GRID2: variants seen among roughly 807,000 people sequenced by gnomAD.
GRID2 encodes glutamate ionotropic receptor delta type subunit 2, also known as glutamate receptor ionotropic, delta-2.
Under a neutral mutation model 114.8 loss-of-function variants are expected in GRID2, and 33 were observed. That is an observed-to-expected ratio of 0.29 (90% CI 0.22 to 0.38). The LOEUF (loss-of-function observed/expected upper bound fraction) is 0.38. GRID2 is among the 10% of genes least tolerant of loss of function. The pLI is 1.00. For missense variants in GRID2, 1,184 were observed against 1,257.7 expected, an observed-to-expected ratio of 0.94 and a Z score of 0.89; for synonymous variants, 505 against 449.9, an observed-to-expected ratio of 1.12 and a Z score of -1.55.
At chr4:92,662,464 A>G (rs572405041) in intron 2 of GRID2, among the ~76,000 whole-genome samples, 115 of 151,192 alleles carry the variant, frequency 7.6e-4, no homozygotes, top group Non-Finnish European at 1.3e-3. Context: ...CATGCATAAA[A>G]TTGTTCAATA....
chr4:93,244,497 TAATA>T (rs533849354), intron 8 of GRID2, among the ~76,000 whole-genome samples: 2 of 52,496 alleles, frequency 3.8e-5, no homozygotes, highest in African/African-American at 1.4e-4. Flanking sequence ...ATCTATTAAT[TAATA>T]GATTATATAA....
At chr4:93,288,933 T>C (rs1753455758) in intron 8 of GRID2, among the ~76,000 whole-genome samples, 1 of 152,232 alleles carries the variant, frequency 6.6e-6, no homozygotes, top group East Asian at 1.9e-4. Flanking sequence ...GACTGAATCT[T>C]TCTCAGTGCT....
At chr4:93,220,547 A>G (rs1744755701) in intron 6 of GRID2, among the ~76,000 whole-genome samples, 1 of 152,178 alleles carries the variant, frequency 6.6e-6, no homozygotes, top group African/African-American at 2.4e-5. Flanking sequence ...TTTGCCAATT[A>G]AACTAGTTGT....
In GRID2 at chr4:92,752,894, C is replaced by T. The variant is rs138555201; in HGVS notation, c.244+162608C>T. ...TTAAAAAGGAGAGAAAGCAAATTTACGACTTTCAAAGGCAACAGTGTGTGT... is the reference window on the plus strand; with the variant it reads ...TTAAAAAGGAGAGAAAGCAAATTTATGACTTTCAAAGGCAACAGTGTGTGT... On this transcript the variant is annotated intron_variant, in intron 2 of 15. Transcript: ENST00000282020. 2.4e-3 allele frequency among the ~76,000 whole-genome samples: 365 copies of T among 152,200 alleles called. 3 individuals carry two copies. The highest frequency in any genetic ancestry group is 7.0e-3 in the African/African-American group (290 of 41,534).
At chr4:93,735,640 A>T (rs1169693114) in intron 14 of GRID2, among the ~76,000 whole-genome samples, 1 of 152,030 alleles carries the variant, frequency 6.6e-6, no homozygotes, top group African/African-American at 2.4e-5. Flanking sequence ...ATTAAATGAT[A>T]GGTTCCCTTA....
chr4:92,643,735 C>T (rs1462029547), intron 2 of GRID2, among the ~76,000 whole-genome samples: 7 of 151,554 alleles, frequency 4.6e-5, no homozygotes, highest in Non-Finnish European at 1.5e-5. Context: ...CTAGGAATCA[C>T]AGGTATGGGC....
intron 2 of GRID2, chr4:92,822,225 T>C (rs1320623440): frequency 3.8e-6 from 2 of 521,914 alleles, no homozygotes; most frequent in East Asian, 1.0e-4. Context: ...ATTGATGATA[T>C]TCCCACCACA....
intron 4 of GRID2, among the ~76,000 whole-genome samples, chr4:93,164,509 A>G (rs1343751814): frequency 1.3e-5 from 2 of 152,160 alleles, no homozygotes; most frequent in East Asian, 3.9e-4. Context: ...AAACAAAACC[A>G]GGACCTTTAA....
chr4:93,695,274 C>T (rs934344666), intron 14 of GRID2, among the ~76,000 whole-genome samples: 5 of 152,000 alleles, frequency 3.3e-5, no homozygotes, highest in African/African-American at 4.8e-5. Context: ...GCCTCAACCT[C>T]GTGTATTTTT....
chr4:93,681,566 T>C (rs1725540770), intron 14 of GRID2, among the ~76,000 whole-genome samples: 1 of 152,112 alleles, frequency 6.6e-6, no homozygotes, highest in Non-Finnish European at 1.5e-5. Flanking sequence ...AGCATGGTAC[T>C]GGTACCAAAA....
At chr4:92,342,878 A>G (rs375082140) in intron 1 of GRID2, among the ~76,000 whole-genome samples, 1 of 152,188 alleles carries the variant, frequency 6.6e-6, no homozygotes, top group African/African-American at 2.4e-5. Context: ...GAATGAGTTG[A>G]CAACCTATAG....
intron 10 of GRID2, among the ~76,000 whole-genome samples, chr4:93,451,563 G>A (rs1025655550): frequency 4.6e-5 from 7 of 152,136 alleles, no homozygotes; most frequent in South Asian, 2.1e-4. Context: ...TCTCCTAAGA[G>A]CCATGCAAAT....
chr4:92,716,396 GC>G (rs1268844396), intron 2 of GRID2, among the ~76,000 whole-genome samples: 2 of 152,104 alleles, frequency 1.3e-5, no homozygotes, highest in South Asian at 2.1e-4. Context: ...AAGCTGTCTG[GC>G]CCTGTAGTGG....
intron 2 of GRID2, among the ~76,000 whole-genome samples, chr4:92,916,612 T>C (rs929928283): frequency 6.6e-6 from 1 of 152,112 alleles, no homozygotes. Context: ...CATGTGGTGT[T>C]TGGTTTTTTG....
At chr4:93,083,846 TTAA>T (rs1348890468) in intron 2 of GRID2, among the ~76,000 whole-genome samples, 9 of 152,174 alleles carry the variant, frequency 5.9e-5, no homozygotes, top group East Asian at 3.9e-4. Context: ...CATTAATAAA[TTAA>T]TAATAATAAA....
At chr4:92,882,038 TG>T (rs1746058729) in intron 2 of GRID2, among the ~76,000 whole-genome samples, 1 of 152,220 alleles carries the variant, frequency 6.6e-6, no homozygotes, top group Non-Finnish European at 1.5e-5. Flanking sequence ...TAGAGCCAGC[TG>T]GGGCAGATTA....
chr4:92,948,229 T>C (rs1751784063), intron 2 of GRID2, among the ~76,000 whole-genome samples: 1 of 151,900 alleles, frequency 6.6e-6, no homozygotes, highest in South Asian at 2.1e-4. Flanking sequence ...TATAATATGT[T>C]ATATAGTTTT....
intron 4 of GRID2, among the ~76,000 whole-genome samples, chr4:93,194,616 T>G (rs1741301279): frequency 2.0e-5 from 3 of 152,184 alleles, no homozygotes; most frequent in Admixed American, 6.5e-5. Context: ...TCTTGCTTGT[T>G]GAAACAACTC....
chr4:93,592,945 G>A (rs1243947433), intron 13 of GRID2, among the ~76,000 whole-genome samples: 4 of 150,946 alleles, frequency 2.6e-5, no homozygotes, highest in Admixed American at 6.6e-5. Context: ...TTGAGCCTAT[G>A]TGTGTCTCTG....
Sources: gnomAD v4.1 joint callset for allele counts (sites outside exome capture counted in the v4.1 genomes callset) on GRCh38, gnomAD v4.1.1 for gene constraint, MANE v1.5 for transcripts, NCBI Gene and HGNC (gene_info 2026-07-23, HGNC 2026-07-21) for gene names.